The following BCAR3 variants were observed in gnomAD, a reference collection of about 807,000 sequenced individuals.
BCAR3 encodes BCAR3 adaptor protein, NSP family member.
BCAR3 carries 37 observed loss-of-function variants against 80.1 expected under a neutral mutation model. The observed-to-expected ratio is 0.46, with a 90% CI of 0.36 to 0.61. BCAR3 has a LOEUF of 0.61. Among genes scored for constraint, BCAR3 ranks in the 20% least tolerant of loss-of-function variants. The probability of loss-of-function intolerance (pLI) is 0.00; values close to 1 mark genes in which losing one functional copy is unlikely to be tolerated. For synonymous variants in BCAR3, 389 were observed against 418.9 expected (o/e 0.93, Z 0.87); for missense variants, 978 against 1,068.2 (o/e 0.92, Z 1.18).
At chr1:93,709,874 A>AT (rs778003775) in intron 2 of BCAR3, among the ~76,000 whole-genome samples, 2 of 152,108 alleles carry the variant, frequency 1.3e-5, no homozygotes, top group Non-Finnish European at 2.9e-5. Flanking sequence ...TCATCATGTA[A>AT]TTTTTTCATA....
chr1:93,745,700 C>A (rs1038639584), intron 2 of BCAR3, among the ~76,000 whole-genome samples: 1 of 152,114 alleles, frequency 6.6e-6, no homozygotes, highest in Non-Finnish European at 1.5e-5. Context: ...GGCAGGCAAC[C>A]CTATCTACTT....
At chr1:93,644,234 A>G (rs1157057106) in intron 2 of BCAR3, among the ~76,000 whole-genome samples, 1 of 152,234 alleles carries the variant, frequency 6.6e-6, no homozygotes, top group African/African-American at 2.4e-5. Flanking sequence ...GAAATTAACT[A>G]AAAGTCTAGC....
Position 93,582,518 on chromosome 1 carries a change from G to A in BCAR3, c.1469C>T (p.Ala490Val), listed in dbSNP as rs776226561. ...CTGCCCCTTCTCCATCTGAGCTGCC[G>A]CAGGTTCCCAAGGTCTTTCCCTGTC... ...DDDRERPWEP[A>V]AAQMEKGQWD... Residue 490 changes from alanine (A) to valine (V), a missense_variant, in exon 7 of 12, where the codon GCG becomes GTG. By Grantham distance (64) the Ala-to-Val change is moderately conservative. Coordinates refer to ENST00000260502, the MANE Select transcript of BCAR3 (RefSeq NM_003567.4). The A allele has an allele frequency of 3.2e-5, 51 of 1,613,790 alleles. No individual in the cohort carries two copies. The Middle Eastern group carries it at 4.9e-4, about 16-fold the overall frequency.
intron 3 of BCAR3, among the ~76,000 whole-genome samples, chr1:93,596,075 T>G (rs1674408480): frequency 6.6e-6 from 1 of 152,246 alleles, no homozygotes; most frequent in Non-Finnish European, 1.5e-5. Context: ...AGCAAAGGTT[T>G]CATCCCCTCT....
intron 1 of BCAR3, chr1:93,845,725 G>C (rs1326383226): frequency 6.6e-6 from 1 of 152,080 alleles, no homozygotes; most frequent in Non-Finnish European, 1.5e-5. Flanking sequence ...ATGGAACAAA[G>C]AGCAGGCTTG....
At chr1:93,682,756 T>G (rs1465473728), upstream of BCAR3, among the ~76,000 whole-genome samples, 1 of 152,232 alleles carries the variant, frequency 6.6e-6, no homozygotes, top group Non-Finnish European at 1.5e-5. Context: ...GTTCACCATT[T>G]TGGTCAGGCT....
intron 2 of BCAR3, among the ~76,000 whole-genome samples, chr1:93,739,505 C>T (rs1457784110): frequency 6.6e-6 from 1 of 152,146 alleles, no homozygotes; most frequent in Non-Finnish European, 1.5e-5. Flanking sequence ...ATAGTGTCAT[C>T]TTTGACCCAG....
intron 3 of BCAR3, among the ~76,000 whole-genome samples, chr1:93,705,373 C>A (rs961651156): frequency 6.6e-6 from 1 of 152,196 alleles, no homozygotes; most frequent in African/African-American, 2.4e-5. Context: ...AACTGACAGA[C>A]CTCCCAGGGA....
intron 2 of BCAR3, among the ~76,000 whole-genome samples, chr1:93,738,531 G>A (rs1332465778): frequency 6.6e-6 from 1 of 152,228 alleles, no homozygotes; most frequent in East Asian, 1.9e-4. Flanking sequence ...CAGAGGTCCC[G>A]GCAGAGCTGA....
intron 8 of BCAR3, among the ~76,000 whole-genome samples, chr1:93,573,609 T>TTTTTTATTATTATTATTATTATTA (rs760911546): frequency 3.5e-5 from 5 of 142,812 alleles, no homozygotes; most frequent in African/African-American, 1.1e-4. Context: ...AAAATATATT[T>TTTTTTATTATTATTATTATTATTA]TTATTATTAT....
At position 93,786,147 on chromosome 1, in the gene BCAR3, C is replaced by A. The variant is rs563312372; in HGVS notation, c.-63+59420G>T. Among the ~76,000 whole-genome samples, 15 of 135,988 alleles carry A rather than the reference C, an allele frequency of 1.1e-4. 2 individuals carry two copies. The East Asian group carries it at 1.2e-3, about 11-fold the overall frequency. The allele number at this position is 135,988 out of a possible 152,430, so 89.2% of individuals were successfully genotyped here. A position where few individuals can be genotyped will look rare whatever the true frequency, so the allele number is the denominator to read the frequency against. On this transcript the variant is annotated intron_variant, in intron 2 of 13. Coordinates refer to the BCAR3 transcript ENST00000370244. The stretch of plus-strand genomic sequence containing the variant: ...GGCGGAGCTTGCAGTGAGCCGAGAT[C>A]GCGCCACTGCACTCCCGCCTGGGCG...
chr1:93,670,513 CAA>C (rs1207408095), intron 2 of BCAR3, among the ~76,000 whole-genome samples: 1 of 152,156 alleles, frequency 6.6e-6, no homozygotes, highest in African/African-American at 2.4e-5. Flanking sequence ...CAGCTGGTGC[CAA>C]CATTCTTCGG....
chr1:93,620,639 C>T (rs1242718974), intron 3 of BCAR3, among the ~76,000 whole-genome samples: 1 of 152,158 alleles, frequency 6.6e-6, no homozygotes, highest in Non-Finnish European at 1.5e-5. Flanking sequence ...AGGATCCTCA[C>T]TCCTCCAGCC....
intron 3 of BCAR3, among the ~76,000 whole-genome samples, chr1:93,603,725 C>A (rs1472094783): frequency 6.6e-6 from 1 of 152,236 alleles, no homozygotes; most frequent in East Asian, 1.9e-4. Context: ...GGACTTACTG[C>A]ATGCCTGCCG....
chr1:93,844,703 C>CTT (rs11363783), intron 2 of BCAR3, among the ~76,000 whole-genome samples: 8 of 140,458 alleles, frequency 5.7e-5, no homozygotes, highest in African/African-American at 7.9e-5. Context: ...TGACTTTCTT[C>CTT]TTTTTTTTTT....
intron 2 of BCAR3, among the ~76,000 whole-genome samples, chr1:93,647,074 G>C (rs1265068447): frequency 6.6e-6 from 1 of 152,016 alleles, no homozygotes; most frequent in Non-Finnish European, 1.5e-5. Flanking sequence ...TCTTATTAAA[G>C]GTAAAATATC....
At chr1:93,657,950 C>CTTT (rs748626236) in intron 2 of BCAR3, among the ~76,000 whole-genome samples, 1 of 138,562 alleles carries the variant, frequency 7.2e-6, no homozygotes. Context: ...GTTACTGCTT[C>CTTT]TTTTTTTTTT....
chr1:93,703,914 T>C (rs1026725831), intron 3 of BCAR3, among the ~76,000 whole-genome samples: 1 of 152,258 alleles, frequency 6.6e-6, no homozygotes, highest in African/African-American at 2.4e-5. Context: ...ACAGCCAGAC[T>C]ATCTAATACA....
chr1:93,697,964 G>A (rs1373717116), intron 3 of BCAR3, among the ~76,000 whole-genome samples: 1 of 152,122 alleles, frequency 6.6e-6, no homozygotes, highest in African/African-American at 2.4e-5. Flanking sequence ...GGCAACAAGA[G>A]CAAAACTCTG....
Sources: gnomAD v4.1 joint callset for allele counts (sites outside exome capture counted in the v4.1 genomes callset) on GRCh38, gnomAD v4.1.1 for gene constraint, MANE v1.5 for transcripts, NCBI Gene and HGNC (gene_info 2026-07-23, HGNC 2026-07-21) for gene names.